The following RYR1 variants were observed in gnomAD, a reference collection of about 807,000 sequenced individuals.
RYR1 encodes central core disease of muscle.
In RYR1, 342 loss-of-function variants were observed where a neutral mutation model predicts 583.5. The observed-to-expected ratio is 0.59, with a 90% CI of 0.54 to 0.64. The LOEUF is 0.64. Ranked by LOEUF, RYR1 falls within the 30% of genes least tolerant of loss-of-function variation. The probability of loss-of-function intolerance (pLI) is 0.00; values close to 1 mark genes in which losing one functional copy is unlikely to be tolerated. For missense variants in RYR1, 6,032 were observed against 6,917.2 expected, an observed-to-expected ratio of 0.87 and a Z score of 4.54; for synonymous variants, 2,791 against 2,822.5, an observed-to-expected ratio of 0.99 and a Z score of 0.35.
At chr19:38,479,033 G>T (rs930127510) in intron 31 of RYR1, among the ~76,000 whole-genome samples, 1 of 152,212 alleles carries the variant, frequency 6.6e-6, no homozygotes, top group Admixed American at 6.5e-5. Context: ...CTCCCAAAGT[G>T]CTGGGATTAC....
intron 11 of RYR1, among the ~76,000 whole-genome samples, chr19:38,449,893 GT>G (rs1212147984): frequency 3.3e-5 from 5 of 152,156 alleles, no homozygotes; most frequent in African/African-American, 9.7e-5. Flanking sequence ...AGTTTTGTTT[GT>G]TTGTTTGTTT....
Position 38,504,365 on chromosome 19 carries a change from G to A in RYR1, c.8067+5G>A, listed in dbSNP as rs773212149. ...TTTGACTCTCTGGCCCATAAGGTCT[G>A]GGCAGCAGGGAGCCCCAAAATGGCC... is the stretch of plus-strand genomic sequence containing the variant. On this transcript the variant is annotated splice_donor_5th_base_variant and intron_variant, in intron 50 of 105. Transcript: ENST00000359596. 2 of 1,612,896 alleles carry A rather than the reference G, an allele frequency of 1.2e-6. No homozygotes were observed. Among genetic ancestry groups the A allele is most frequent in the African/African-American group, 1.3e-5 (1 of 74,994 alleles).
At chr19:38,453,142 G>A (rs2145382604) in intron 13 of RYR1, 128 bp downstream of exon 13, 3 of 993,946 alleles carry the variant, frequency 3.0e-6, no homozygotes, top group South Asian at 1.5e-5. Flanking sequence ...AGAAGGGGGC[G>A]GGGCAGGAGA....
Position 38,444,061 on chromosome 19 carries a change from G to C in RYR1, c.425-88G>C. 8.6e-7 allele frequency: 1 copy of C among 1,158,400 alleles called. No individual in the cohort carries two copies. Among genetic ancestry groups the C allele is most frequent in the South Asian group, 1.2e-5 (1 of 81,436 alleles). 71.8% of individuals were successfully genotyped at this position (1,158,400 alleles called of 1,614,324 possible). On this transcript the variant is annotated intron_variant, in intron 5 of 105. Transcript: ENST00000359596. The surrounding 1 kb of genome is among the most constrained non-coding windows in gnomAD (Gnocchi z 5.1). ...TAGGAGAGTTGTGGGCCAAGGGCCC[G>C]GGAGGCCTGGTGGAGGGAGAGCCCT...
chr19:38,489,587 G>A, intron 35 of RYR1, 144 bp downstream of exon 35: 1 of 877,706 alleles, frequency 1.1e-6, no homozygotes, highest in Non-Finnish European at 1.9e-6. Context: ...AACTTGGAAA[G>A]ATCTCTGTTT....
At chr19:38,551,528 G>A (rs932269443) in intron 89 of RYR1, among the ~76,000 whole-genome samples, 3 of 151,934 alleles carry the variant, frequency 2.0e-5, no homozygotes, top group African/African-American at 4.8e-5. Context: ...TCTCAGCCAC[G>A]CCTTGCAAGA....
chr19:38,519,314 G>A lies in RYR1; in HGVS notation c.10119G>A (p.Val3373=), dbSNP rs140689610. ...TGCGCAAGAGGGCAGGGAAGGTGGT[G>A]TCCGAGGAGGAGCAGCTGCGCCTGG... is the stretch of plus-strand genomic sequence containing the variant. ...GRLRKRAGKV[V]SEEEQLRLEA... Residue 3373 remains valine, a synonymous_variant, in exon 67 of 106, where the codon GTG becomes GTA. Transcript: ENST00000359596. The A allele has an allele frequency of 1.0e-3, 1,647 of 1,613,936 alleles. 2 individuals carry two copies. The highest frequency in any genetic ancestry group is 1.3e-3 in the Non-Finnish European group (1,520 of 1,179,890).
chr19:38,548,193 G>A, intron 88 of RYR1, 40 bp from the exon 89 acceptor site: 1 of 1,611,850 alleles, frequency 6.2e-7, no homozygotes, highest in Non-Finnish European at 8.5e-7. Context: ...GCCCCAGAAG[G>A]GAGTGTTCAC....
Position 38,584,907 on chromosome 19 carries a change from G to A in RYR1, c.14647-36G>A, listed in dbSNP as rs114134909. ...CCTTGGCTGGTACTCAGTGAATGTCGAATGAATGAGTGACCAGTGTGCTCC... is the reference window on the plus strand; with the variant it reads ...CCTTGGCTGGTACTCAGTGAATGTCAAATGAATGAGTGACCAGTGTGCTCC... On this transcript the variant is annotated intron_variant, in intron 101 of 105. Transcript: ENST00000359596. The A allele has an allele frequency of 2.7e-3, 4,386 of 1,612,612 alleles. 105 individuals are homozygous for A. The African/African-American group carries it at 0.051, about 19-fold the overall frequency.
intron 20 of RYR1, among the ~76,000 whole-genome samples, chr19:38,463,199 C>CGGCT (rs1568457973): frequency 7.3e-6 from 1 of 136,476 alleles, no homozygotes; most frequent in East Asian, 2.3e-4. Flanking sequence ...TGAGCCACTA[C>CGGCT]GGCTGGCCCT....
rs999218276 is a variant in RYR1 at position 38,456,919 on chromosome 19, G to A, written c.1792-578G>A. 2.6e-4 allele frequency among the ~76,000 whole-genome samples: 40 copies of A among 151,684 alleles called. No homozygotes were observed. In the East Asian group the frequency reaches 5.3e-3, roughly 20 times the overall value. On this transcript the variant is annotated intron_variant, in intron 16 of 105. Coordinates refer to ENST00000359596, the MANE Select transcript of RYR1 (RefSeq NM_000540.3). The stretch of plus-strand genomic sequence containing the variant: ...AAATTAGCCAGGCATGGTGGCAGGC[G>A]CCTGTAGTCCCAGCTACTCGGGAGG...
At chr19:38,458,431 C>G (rs1967542822) in intron 18 of RYR1, 139 bp downstream of exon 18, 2 of 833,828 alleles carry the variant, frequency 2.4e-6, no homozygotes, top group Non-Finnish European at 3.9e-6. Context: ...CCTCATTTCC[C>G]AAGACCCTAA....
intron 76 of RYR1, among the ~76,000 whole-genome samples, chr19:38,530,906 G>T (rs1054407225): frequency 1.3e-5 from 2 of 151,672 alleles, no homozygotes; most frequent in Non-Finnish European, 2.9e-5. Flanking sequence ...GGGTTCAAGC[G>T]ATTCTCCTGC....
At chr19:38,472,231 T>C (rs1968460891) in intron 27 of RYR1, among the ~76,000 whole-genome samples, 1 of 152,136 alleles carries the variant, frequency 6.6e-6, no homozygotes, top group South Asian at 2.1e-4. Flanking sequence ...CCTTAGTAGC[T>C]GGAATTACAG....
At chr19:38,450,285 G>C (rs1480700532) in intron 11 of RYR1, among the ~76,000 whole-genome samples, 1 of 152,180 alleles carries the variant, frequency 6.6e-6, no homozygotes, top group Non-Finnish European at 1.5e-5. Flanking sequence ...CCTGAGGGTA[G>C]AGCCAACAGG....
chr19:38,545,596 T>G (rs985775619), intron 87 of RYR1, among the ~76,000 whole-genome samples: 1 of 152,192 alleles, frequency 6.6e-6, no homozygotes, highest in South Asian at 2.1e-4. Flanking sequence ...GCAGATCACC[T>G]GAGGTCAGGA....
At position 38,500,597 on chromosome 19, in the gene RYR1, A is replaced by C; in HGVS notation, c.7324-9A>C. The C allele has an allele frequency of 1.9e-6, 3 of 1,611,628 alleles. No homozygotes were observed. Among genetic ancestry groups the C allele is most frequent in the Non-Finnish European group, 2.5e-6 (3 of 1,179,792 alleles). On this transcript the variant is annotated splice_polypyrimidine_tract_variant and intron_variant, in intron 45 of 105. Transcript: ENST00000359596. This position sits in a 1 kb window ranked among gnomAD's most constrained non-coding sequence, Gnocchi z 5.9. ...GATGAGTGCCCCTCTCCCTCCCTCT[A>C]CTCCCCAGCTAATCCAAGCCGGCAA... is the stretch of plus-strand genomic sequence containing the variant.
At position 38,469,083 on chromosome 19, in the gene RYR1, G is replaced by C; in HGVS notation, c.3499G>C (p.Val1167Leu). 6.2e-7 allele frequency: 1 copy of C among 1,614,160 alleles called. No homozygotes were observed. The highest frequency in any genetic ancestry group is 8.5e-7 in the Non-Finnish European group (1 of 1,180,030). The change falls in exon 26 of 106, where the codon GTC (valine) becomes CTC (leucine). Residue 1167 changes from valine to leucine, a missense_variant. Physicochemically the swap from Val to Leu is conservative, Grantham distance 32 (BLOSUM62 1). This residue lies in a region of RYR1 where 2,627 missense variants were observed against 2,961.3 expected (regional missense o/e 0.89). Transcript: ENST00000359596. ...NTIIFTLNGEVLMSDSGSETA... is the reference protein window; with the variant it reads ...NTIIFTLNGELLMSDSGSETA... ...CATTATCTTCACCCTCAATGGCGAG[G>C]TCCTCATGTCTGACTCAGGCTCCGA...
chr19:38,506,282 A>G, intron 54 of RYR1, 21 bp from the exon 55 acceptor site: 1 of 1,613,406 alleles, frequency 6.2e-7, no homozygotes, highest in Non-Finnish European at 8.5e-7. Flanking sequence ...CCCACCTCCC[A>G]TCTTCCCCTT....
Sources: gnomAD v4.1 joint callset for allele counts (sites outside exome capture counted in the v4.1 genomes callset) on GRCh38, gnomAD v4.1.1 for gene constraint, gnomAD v4.1.1 regional missense constraint, Gnocchi (gnomAD v3.1) non-coding constraint, MANE v1.5 for transcripts, NCBI Gene and HGNC (gene_info 2026-07-23, HGNC 2026-07-21) for gene names.